Variants in SHOC1 observed in about 807,000 individuals in gnomAD.
SHOC1 encodes shortage in chiasmata 1.
Under a neutral mutation model 179.2 loss-of-function variants are expected in SHOC1, and 136 were observed. That is an observed-to-expected ratio of 0.76 (90% CI 0.66 to 0.87). The LOEUF is 0.87. Among genes scored for constraint, SHOC1 ranks in the 40% least tolerant of loss-of-function variants. The probability of loss-of-function intolerance (pLI) is 0.00; values close to 1 mark genes in which losing one functional copy is unlikely to be tolerated. For synonymous variants in SHOC1, 489 were observed against 586.6 expected (o/e 0.83, Z 2.41); for missense variants, 1,538 against 1,700.8 (o/e 0.90, Z 1.68).
chr9:111,708,967 TTGACA>T (rs776564971), intron 18 of SHOC1, among the ~76,000 whole-genome samples: 1 of 152,230 alleles, frequency 6.6e-6, no homozygotes, highest in African/African-American at 2.4e-5. Flanking sequence ...ATAACTTTAC[TTGACA>T]TGACAATAGT....
chr9:111,741,619 G>A (rs1834044589), intron 10 of SHOC1, 49 bp from the exon 11 acceptor site: 3 of 964,208 alleles, frequency 3.1e-6, no homozygotes, highest in Non-Finnish European at 4.6e-6. Context: ...TGAGTCTTTT[G>A]TATAATAAAA....
chr9:111,718,592 T>C (rs1832903595), intron 15 of SHOC1, among the ~76,000 whole-genome samples: 1 of 152,148 alleles, frequency 6.6e-6, no homozygotes, highest in Admixed American at 6.5e-5. Context: ...TTCATGCCCT[T>C]GTTGCTTCCA....
In SHOC1 at chr9:111,692,249, A is replaced by T; in HGVS notation, c.3728T>A (p.Leu1243Ter). Residue 1243 changes from leucine (L) to a stop codon, truncating the protein, a stop_gained, in exon 27 of 28, where the codon TTA becomes TAA. Transcript: ENST00000682961. LOFTEE classifies it high-confidence loss of function. ...IMELKEISSF[L>*]PPVTSYNQTS... ...CTGATTGTATGAAGTCACAGGTGGT[A>T]AAAAACTTGAGATTTCTTTTAGTTC... 6.2e-7 allele frequency: 1 copy of T among 1,613,766 alleles called. No individual in the cohort carries two copies.
intron 3 of SHOC1, among the ~76,000 whole-genome samples, chr9:111,781,864 A>C (rs1437460729): frequency 6.6e-6 from 1 of 150,870 alleles, no homozygotes; most frequent in East Asian, 1.9e-4. Flanking sequence ...ACCTACCACC[A>C]GTGTTACTTC....
At chr9:111,771,700 C>T (rs1244784282) in intron 5 of SHOC1, among the ~76,000 whole-genome samples, 1 of 151,054 alleles carries the variant, frequency 6.6e-6, no homozygotes, top group African/African-American at 2.4e-5. Flanking sequence ...TCTTAGATGG[C>T]TTTTTTTTTC....
At chr9:111,781,273 T>G in intron 3 of SHOC1, 1 of 412,276 alleles carries the variant, frequency 2.4e-6, no homozygotes, top group South Asian at 3.0e-5. Context: ...CTCTTTTGCT[T>G]ATACAGCACT....
chr9:111,748,037 T>C lies in SHOC1; in HGVS notation c.970+55A>G, dbSNP rs531930372. On this transcript the variant is annotated intron_variant, in intron 9 of 27. Transcript: ENST00000682961. ...CTGTATATGTGAATGTACTGTACTT[T>C]TACATCATAAATAGGTAATCCCCAA... 3.8e-5 allele frequency: 46 copies of C among 1,199,750 alleles called. No individual in the cohort carries two copies. In the East Asian group the frequency reaches 1.1e-3, roughly 28 times the overall value. 74.3% of individuals were successfully genotyped at this position (1,199,750 alleles called of 1,614,324 possible).
intron 18 of SHOC1, 133 bp downstream of exon 18, chr9:111,712,967 G>T: frequency 1.7e-6 from 1 of 600,956 alleles, no homozygotes; most frequent in Non-Finnish European, 2.9e-6. Context: ...AGATCCCAAT[G>T]AGTTATACGC....
chr9:111,771,764 T>C (rs1291262110), intron 5 of SHOC1, among the ~76,000 whole-genome samples: 2 of 152,176 alleles, frequency 1.3e-5, no homozygotes, highest in African/African-American at 4.8e-5. Flanking sequence ...TGGTTTTTCA[T>C]TGAAAAGTCT....
chr9:111,701,070 C>A (rs910133826), intron 23 of SHOC1, among the ~76,000 whole-genome samples: 11 of 152,124 alleles, frequency 7.2e-5, no homozygotes, highest in African/African-American at 2.7e-4. Context: ...TGTATTGTAA[C>A]TTTGCACCAT....
chr9:111,764,023 T>C (rs1383802745), intron 5 of SHOC1, among the ~76,000 whole-genome samples: 3 of 152,332 alleles, frequency 2.0e-5, no homozygotes, highest in East Asian at 3.9e-4. Flanking sequence ...AAAAATACTA[T>C]ATTGAATGGA....
chr9:111,771,070 T>A (rs1445576176), intron 5 of SHOC1, among the ~76,000 whole-genome samples: 3 of 152,128 alleles, frequency 2.0e-5, no homozygotes, highest in Admixed American at 1.3e-4. Context: ...TTTCTGATAG[T>A]TTTAAGACTC....
rs376689714 is a variant in SHOC1, at chr9:111,727,826, G to A, written c.1641C>T (p.Asn547=). The change falls in exon 13 of 28, where the codon AAC becomes AAT. Residue 547 remains asparagine, a synonymous_variant. Transcript: ENST00000682961. ...CTGTGCAGTCAAGTTCAAAGTGATC[G>A]TTATTTTCTTTCTTTTGGATTATTC... ...VNRIIQKKEN[N]DHFELDCTGP... The A allele has an allele frequency of 1.7e-5, 27 of 1,611,500 alleles. No homozygotes were observed. The highest frequency in any genetic ancestry group is 1.3e-4 in the African/African-American group (10 of 74,684).
At chr9:111,699,547 G>A (rs868136263) in intron 24 of SHOC1, among the ~76,000 whole-genome samples, 125 of 152,238 alleles carry the variant, frequency 8.2e-4, no homozygotes, top group African/African-American at 2.7e-3. Context: ...ATTTCAGAGT[G>A]GGACACTGAA....
rs1359111430 is a variant in SHOC1 at position 111,708,204 on chromosome 9, T to C, written c.2489-280A>G. ...CTTATTTTTGTTAATTTTTATTTTT[T>C]ATTTTTTATTTTTTTTGAGACAGAG... is the stretch of plus-strand genomic sequence containing the variant. On this transcript the variant is annotated intron_variant, in intron 18 of 27. Coordinates refer to ENST00000682961, the MANE Select transcript of SHOC1 (RefSeq NM_001378211.1). 2.1e-4 allele frequency among the ~76,000 whole-genome samples: 31 copies of C among 149,292 alleles called. 1 individual carries two copies. Among genetic ancestry groups the C allele is most frequent in the African/African-American group, 7.9e-4 (31 of 39,382 alleles).
intron 3 of SHOC1, 90 bp from the exon 4 acceptor site, chr9:111,781,107 T>A: frequency 1.2e-6 from 1 of 829,288 alleles, no homozygotes; most frequent in Non-Finnish European, 1.9e-6. Context: ...ACATTATGAT[T>A]TTATCTTTAT....
chr9:111,746,089 C>T (rs1834264139), intron 10 of SHOC1, 145 bp downstream of exon 10: 1 of 448,334 alleles, frequency 2.2e-6, no homozygotes, highest in Non-Finnish European at 4.0e-6. Context: ...TTATATATTC[C>T]TTTTAGTTAC....
Position 111,720,863 on chromosome 9 carries a change from T to A in SHOC1, c.2131+1546A>T, listed in dbSNP as rs368672705. ...AAAACAGTAATAAGAAGTGTCAGCGTCCTTTTCTGGTCATTCTAATATCTT... is the reference window on the plus strand; with the variant it reads ...AAAACAGTAATAAGAAGTGTCAGCGACCTTTTCTGGTCATTCTAATATCTT... On this transcript the variant is annotated intron_variant, in intron 15 of 27. Transcript: ENST00000682961. 1.2e-3 allele frequency among the ~76,000 whole-genome samples: 177 copies of A among 152,338 alleles called. 1 individual carries two copies. The highest frequency in any genetic ancestry group is 0.01 in the Middle Eastern group (3 of 294).
In SHOC1 at chr9:111,714,572, A is replaced by C. The variant is rs1248228056; in HGVS notation, c.2288T>G (p.Leu763Trp). The stretch of plus-strand genomic sequence containing the variant: ...CTCCAGCTGTCTCCAAATGTCACCC[A>C]AATAGGGGCCTAAAATGCTGTTGTA... Reference protein sequence around the residue: ...DIYNSILGPYLGDIWRQLEIV... With the variant: ...DIYNSILGPYWGDIWRQLEIV... Residue 763 changes from leucine (L) to tryptophan (W), a missense_variant, in exon 17 of 28, where the codon TTG (leucine) becomes TGG (tryptophan). Leu to Trp is a moderately conservative substitution (Grantham distance 61). Coordinates refer to ENST00000682961, the MANE Select transcript of SHOC1 (RefSeq NM_001378211.1). 15 of 1,613,744 alleles carry C rather than the reference A, an allele frequency of 9.3e-6. No individual in the cohort carries two copies.
Sources: gnomAD v4.1 joint callset for allele counts (sites outside exome capture counted in the v4.1 genomes callset) on GRCh38, gnomAD v4.1.1 for gene constraint, MANE v1.5 for transcripts, NCBI Gene and HGNC (gene_info 2026-07-23, HGNC 2026-07-21) for gene names.